The following DNAAF9 variants were observed in gnomAD, a reference collection of about 807,000 sequenced individuals.
DNAAF9 encodes the protein dynein axonemal assembly factor 9.
A neutral mutation model predicts 167.0 loss-of-function variants in DNAAF9; 90 were observed. The observed-to-expected ratio is 0.54, with a 90% CI of 0.45 to 0.64. The LOEUF is 0.64. Ranked by LOEUF, DNAAF9 falls within the 30% of genes least tolerant of loss-of-function variation. The probability of loss-of-function intolerance (pLI) is 0.00; values close to 1 mark genes in which losing one functional copy is unlikely to be tolerated. For synonymous variants in DNAAF9, 491 were observed against 508.8 expected (o/e 0.96, Z 0.47); for missense variants, 1,315 against 1,442.2 (o/e 0.91, Z 1.43).
At chr20:3,338,949 C>T (rs1042227125) in intron 10 of DNAAF9, among the ~76,000 whole-genome samples, 3 of 151,948 alleles carry the variant, frequency 2.0e-5, no homozygotes, top group Admixed American at 6.6e-5. Flanking sequence ...CCACTGTGCC[C>T]GGCTGGTTCT....
intron 6 of DNAAF9, among the ~76,000 whole-genome samples, chr20:3,370,680 T>C (rs934247357): frequency 6.6e-6 from 1 of 152,180 alleles, no homozygotes; most frequent in Non-Finnish European, 1.5e-5. Context: ...AGTGCTCAGA[T>C]TACAGGCTTG....
rs1029278381 is a variant in DNAAF9, at chr20:3,250,284, G to A, written c.*2288C>T. 1.3e-5 allele frequency: 2 copies of A among 152,242 alleles called. No individual in the cohort carries two copies. Among genetic ancestry groups the A allele is most frequent in the African/African-American group, 4.8e-5 (2 of 41,458 alleles). The allele number at this position is 152,242 out of a possible 1,614,324, so 9.4% of individuals were successfully genotyped here. A position where few individuals can be genotyped will look rare whatever the true frequency, so the allele number is the denominator to read the frequency against. ...GATACTGACCTTCACAGAACAGAGA[G>A]GCCTGGCAGGTTCCAGGAGGCATCC... On this transcript the variant is annotated 3_prime_UTR_variant, in exon 37 of 37. Coordinates refer to ENST00000252032, the MANE Select transcript of DNAAF9 (RefSeq NM_001009984.3).
chr20:3,252,684 A>C lies in DNAAF9; in HGVS notation c.3422T>G (p.Leu1141Arg), dbSNP rs1469778269. 1 of 1,554,814 alleles carries C rather than the reference A, an allele frequency of 6.4e-7. No homozygotes were observed. The highest frequency in any genetic ancestry group is 8.9e-7 in the Non-Finnish European group (1 of 1,125,908). Residue 1141 changes from leucine to arginine, a missense_variant and splice_region_variant, in exon 37 of 37, where the codon CTC becomes CGC. Around this residue, in one of 2 missense-constraint regions of DNAAF9, gnomAD observed 334 missense variants for 429.7 expected, o/e 0.78. Transcript: ENST00000252032. ...GTAGTCATTCATGAACTGGTCCATG[A>C]CTGGTATCTCATTAAGGAAGAGAGC... Reference protein sequence around the residue: ...FFGDKTDFHPLMDQFMNDYVE... With the variant: ...FFGDKTDFHPRMDQFMNDYVE...
intron 21 of DNAAF9, among the ~76,000 whole-genome samples, chr20:3,303,004 C>T (rs1488219821): frequency 6.6e-6 from 1 of 151,870 alleles, no homozygotes; most frequent in African/African-American, 2.4e-5. Context: ...TTTGGGAGGC[C>T]GAGGTGAGTG....
chr20:3,271,969 G>A (rs2068602168), intron 29 of DNAAF9, among the ~76,000 whole-genome samples: 1 of 152,002 alleles, frequency 6.6e-6, no homozygotes, highest in South Asian at 2.1e-4. Context: ...TAGAAAAATA[G>A]TAGAATGAAC....
chr20:3,253,019 C>T (rs1181350465), intron 36 of DNAAF9, among the ~76,000 whole-genome samples: 1 of 152,220 alleles, frequency 6.6e-6, no homozygotes, highest in African/African-American at 2.4e-5. Context: ...ATCACCGCAG[C>T]TGCATCCAAA....
At chr20:3,307,166 C>T (rs780655011) in intron 20 of DNAAF9, 17 of 984,382 alleles carry the variant, frequency 1.7e-5, no homozygotes, top group African/African-American at 8.7e-5. Context: ...TCCAGCATTT[C>T]CTCTCCCACT....
Position 3,405,073 on chromosome 20 carries a change from C to T in DNAAF9, c.83+2402G>A, listed in dbSNP as rs576119638. ...CATGAAAGGCTACACAGTATTCCCA[C>T]GCATTTCACTGACCAAAAGCAACTC... On this transcript the variant is annotated intron_variant, in intron 1 of 36. Coordinates refer to ENST00000252032, the MANE Select transcript of DNAAF9 (RefSeq NM_001009984.3). Among the ~76,000 whole-genome samples the T allele has an allele frequency of 2.0e-5, 3 of 152,334 alleles. No homozygotes were observed. In the South Asian group the frequency reaches 6.2e-4, roughly 32 times the overall value.
rs2083651202 is a variant in DNAAF9, at chr20:3,381,387, ACTT to A, written c.272_274del (p.Glu91del). ...TACCAATATATACTTACCATCTAGT[ACTT>A]CTTCAGAAAATCCCGTTTTCTCAAA... On this transcript the variant is annotated inframe_deletion, in exon 3 of 37. Coordinates refer to ENST00000252032, the MANE Select transcript of DNAAF9 (RefSeq NM_001009984.3). 1 of 1,608,532 alleles carries A rather than the reference ACTT, an allele frequency of 6.2e-7. No individual in the cohort carries two copies. Among genetic ancestry groups the A allele is most frequent in the Non-Finnish European group, 8.5e-7 (1 of 1,175,280 alleles).
At chr20:3,270,116 G>A (rs1342602889) in intron 30 of DNAAF9, among the ~76,000 whole-genome samples, 1 of 148,146 alleles carries the variant, frequency 6.8e-6, no homozygotes, top group Non-Finnish European at 1.5e-5. Context: ...TTACAGGCAC[G>A]AGCCATTGTG....
chr20:3,294,107 G>T, intron 25 of DNAAF9, 32 bp downstream of exon 25: 1 of 1,198,448 alleles, frequency 8.3e-7, no homozygotes, highest in South Asian at 1.2e-5. Context: ...ATCTTCCTGT[G>T]AATTCCCAGC....
chr20:3,314,587 C>T (rs888295990), intron 20 of DNAAF9, among the ~76,000 whole-genome samples: 1 of 152,202 alleles, frequency 6.6e-6, no homozygotes, highest in Non-Finnish European at 1.5e-5. Context: ...CCTAGCCTGG[C>T]TGATGCCTTG....
At position 3,374,080 on chromosome 20, in the gene DNAAF9, C is replaced by T. The variant is rs555809483; in HGVS notation, c.580G>A (p.Gly194Arg). 2 of 1,613,232 alleles carry T rather than the reference C, an allele frequency of 1.2e-6. No homozygotes were observed. Among genetic ancestry groups the T allele is most frequent in the South Asian group, 1.1e-5 (1 of 91,068 alleles). ...IVQAFALEGIGGDGFFTMKYE... is the reference protein window; with the variant it reads ...IVQAFALEGIRGDGFFTMKYE... Reference sequence around the variant, plus strand: ...TTCATGGTAAAAAATCCATCCCCTCCAATGCCCTCAAGTGCAAAGGCCTGT... The same window carrying T: ...TTCATGGTAAAAAATCCATCCCCTCTAATGCCCTCAAGTGCAAAGGCCTGT... Residue 194 changes from glycine to arginine, a missense_variant, in exon 6 of 37, where the codon GGA becomes AGA. Coordinates refer to ENST00000252032, the MANE Select transcript of DNAAF9 (RefSeq NM_001009984.3).
chr20:3,347,977 G>T (rs2070229885), intron 8 of DNAAF9, among the ~76,000 whole-genome samples: 1 of 152,126 alleles, frequency 6.6e-6, no homozygotes, highest in Admixed American at 6.5e-5. Flanking sequence ...ATCAGCAGGA[G>T]GGCTTGCTCT....
intron 23 of DNAAF9, chr20:3,296,399 A>G (rs1321678692): frequency 6.2e-6 from 2 of 324,954 alleles, no homozygotes; most frequent in African/African-American, 4.4e-5. Context: ...TTTTTTTGAG[A>G]AAGGGTCTTG....
intron 1 of DNAAF9, among the ~76,000 whole-genome samples, chr20:3,384,934 T>G: frequency 6.6e-6 from 1 of 152,072 alleles, no homozygotes; most frequent in East Asian, 1.9e-4. Context: ...TCAGAATTGA[T>G]GGATATCCCA....
In DNAAF9 at chr20:3,326,071, G is replaced by T. The variant is rs570009546; in HGVS notation, c.1188+126C>A. 2.7e-5 allele frequency: 18 copies of T among 663,654 alleles called. No individual in the cohort carries two copies. The African/African-American group carries it at 3.1e-4, about 11-fold the overall frequency. The allele number at this position is 663,654 out of a possible 1,614,324, so 41.1% of individuals were successfully genotyped here. ...GTGCTCTCAGGGCTTCTCTCTGCCT[G>T]GTGTCAAAGAGGCCCAAGCTCGCAC... is the stretch of plus-strand genomic sequence containing the variant. On this transcript the variant is annotated intron_variant, in intron 13 of 36. Coordinates refer to ENST00000252032, the MANE Select transcript of DNAAF9 (RefSeq NM_001009984.3).
chr20:3,325,623 T>C (rs1233503085), intron 13 of DNAAF9, among the ~76,000 whole-genome samples: 1 of 152,146 alleles, frequency 6.6e-6, no homozygotes, highest in East Asian at 1.9e-4. Context: ...AAAGGTCCTA[T>C]TGGCATTTGG....
intron 31 of DNAAF9, among the ~76,000 whole-genome samples, chr20:3,261,737 T>C (rs1164320876): frequency 8.5e-6 from 1 of 117,868 alleles, no homozygotes; most frequent in Non-Finnish European, 1.8e-5. Flanking sequence ...TTCTTCTTAA[T>C]TTCTTTAAAG....
Sources: allele counts gnomAD v4.1 joint callset (sites outside exome capture counted in the v4.1 genomes callset), GRCh38; gene constraint gnomAD v4.1.1; regional missense constraint gnomAD v4.1.1; transcripts MANE v1.5; gene names NCBI Gene and HGNC (gene_info 2026-07-23, HGNC 2026-07-21).